Variants in RALGPS2 observed in about 807,000 individuals in gnomAD.
RALGPS2 encodes the protein Ral GEF with PH domain and SH3 binding motif 2, also known as ras-specific guanine nucleotide-releasing factor RalGPS2.
RALGPS2 carries 43 observed loss-of-function variants against 86.8 expected under a neutral mutation model. That is an observed-to-expected ratio of 0.50 (90% confidence interval 0.39 to 0.64). RALGPS2 has a LOEUF of 0.64. Ranked by LOEUF, RALGPS2 falls within the 30% of genes least tolerant of loss-of-function variation. The pLI, the probability that RALGPS2 is intolerant of heterozygous loss-of-function variation, is 0.00. For missense variants in RALGPS2, 536 were observed against 694.6 expected (o/e 0.77, Z 2.57); for synonymous variants, 243 against 231.3 (o/e 1.05, Z -0.46).
intron 8 of RALGPS2, among the ~76,000 whole-genome samples, chr1:178,859,272 A>C (rs1657794761): frequency 6.6e-6 from 1 of 151,800 alleles, no homozygotes. Flanking sequence ...CATTGAAACC[A>C]ATTATACCTA....
At chr1:178,747,022 C>T (rs1651373631) in intron 1 of RALGPS2, 1 of 909,008 alleles carries the variant, frequency 1.1e-6, no homozygotes, top group African/African-American at 1.6e-5. Context: ...ACATTTTGCT[C>T]CTTCTGTTAT....
In RALGPS2 at chr1:178,917,861, A is replaced by G. The variant is rs1273528355; in HGVS notation, c.*1502A>G. The stretch of plus-strand genomic sequence containing the variant: ...AGAGTAAGGTAATGCTTTGTGACTG[A>G]TATCTACTAATAGACTTCTGTTACT... On this transcript the variant is annotated 3_prime_UTR_variant, in exon 20 of 20. Coordinates refer to ENST00000367635, the MANE Select transcript of RALGPS2 (RefSeq NM_152663.5). The G allele has an allele frequency of 1.3e-5, 2 of 152,178 alleles. No individual in the cohort carries two copies. The highest frequency in any genetic ancestry group is 2.9e-5 in the Non-Finnish European group (2 of 67,990). 9.4% of individuals were successfully genotyped at this position (152,178 alleles called of 1,614,324 possible).
intron 1 of RALGPS2, among the ~76,000 whole-genome samples, chr1:178,771,228 C>A (rs1652797429): frequency 6.6e-6 from 1 of 152,140 alleles, no homozygotes; most frequent in Non-Finnish European, 1.5e-5. Flanking sequence ...TGTGAATTAC[C>A]ATTAATATCT....
At chr1:178,904,864 G>GT (rs1302304352) in intron 18 of RALGPS2, among the ~76,000 whole-genome samples, 14 of 152,028 alleles carry the variant, frequency 9.2e-5, no homozygotes, top group Non-Finnish European at 1.6e-4. Flanking sequence ...TTTTAGAATT[G>GT]TTTTTTCTGA....
chr1:178,751,856 T>C (rs968190913), intron 1 of RALGPS2, among the ~76,000 whole-genome samples: 3 of 152,220 alleles, frequency 2.0e-5, no homozygotes, highest in African/African-American at 7.2e-5. Flanking sequence ...CAAATATTTA[T>C]GTTGTTATAG....
At chr1:178,790,477 T>C (rs1045759270) in intron 4 of RALGPS2, among the ~76,000 whole-genome samples, 6 of 152,248 alleles carry the variant, frequency 3.9e-5, no homozygotes, top group Non-Finnish European at 7.3e-5. Context: ...CCATCCAGTA[T>C]TGGTCTGTAT....
intron 9 of RALGPS2, among the ~76,000 whole-genome samples, chr1:178,877,958 A>G (rs1014261274): frequency 1.3e-5 from 2 of 152,110 alleles, no homozygotes; most frequent in Non-Finnish European, 2.9e-5. Context: ...TTGGCCCTTT[A>G]TAGCACAGCT....
At chr1:178,771,486 A>G (rs1003169435) in intron 1 of RALGPS2, among the ~76,000 whole-genome samples, 1 of 152,310 alleles carries the variant, frequency 6.6e-6, no homozygotes, top group Middle Eastern at 3.4e-3. Context: ...CCAGAGGCAC[A>G]TGATGTCTCT....
chr1:178,909,130 A>G (rs1183273150), intron 19 of RALGPS2, among the ~76,000 whole-genome samples: 1 of 152,190 alleles, frequency 6.6e-6, no homozygotes, highest in Non-Finnish European at 1.5e-5. Flanking sequence ...ATGGCTATCC[A>G]GTTATCCTAG....
At chr1:178,829,360 A>T (rs917572510) in intron 7 of RALGPS2, among the ~76,000 whole-genome samples, 7 of 152,340 alleles carry the variant, frequency 4.6e-5, no homozygotes, top group African/African-American at 1.7e-4. Context: ...ACCAGGCCAC[A>T]GCAGGAGGTG....
At chr1:178,856,194 G>GATTATATATATATATAT (rs776840814) in intron 8 of RALGPS2, among the ~76,000 whole-genome samples, 2 of 99,198 alleles carry the variant, frequency 2.0e-5, no homozygotes, top group African/African-American at 1.1e-4. Context: ...CTTTTCCAGA[G>GATTATATATATATATAT]AGAGAGAGAT....
rs1647282356 is a variant in RALGPS2 at position 178,921,133 on chromosome 1, C to G, written c.*4774C>G. ...GTATGTTCCAGAGTAGGCAAGTAGT[C>G]ATTCAAGCCAAATGAAAGAGTTAAC... On this transcript the variant is annotated 3_prime_UTR_variant, in exon 20 of 20. Coordinates refer to ENST00000367635, the MANE Select transcript of RALGPS2 (RefSeq NM_152663.5). 1 of 151,944 alleles carries G rather than the reference C, an allele frequency of 6.6e-6. No homozygotes were observed. Among genetic ancestry groups the G allele is most frequent in the Non-Finnish European group, 1.5e-5 (1 of 67,912 alleles). 9.4% of individuals were successfully genotyped at this position (151,944 alleles called of 1,614,324 possible).
chr1:178,866,287 A>G (rs910885890), intron 8 of RALGPS2, among the ~76,000 whole-genome samples: 1 of 152,224 alleles, frequency 6.6e-6, no homozygotes, highest in Non-Finnish European at 1.5e-5. Flanking sequence ...GATTCATACC[A>G]TGCAATTCCA....
chr1:178,780,246 G>A (rs1481651254), intron 2 of RALGPS2, among the ~76,000 whole-genome samples: 1 of 152,166 alleles, frequency 6.6e-6, no homozygotes, highest in African/African-American at 2.4e-5. Context: ...AAGAGATAGA[G>A]ATCTTTAGCA....
At chr1:178,791,193 C>A (rs901787947) in intron 4 of RALGPS2, among the ~76,000 whole-genome samples, 9 of 151,960 alleles carry the variant, frequency 5.9e-5, no homozygotes, top group Non-Finnish European at 1.2e-4. Flanking sequence ...TGATCACGGC[C>A]CACTGCATCC....
chr1:178,833,268 G>A (rs1049905241), intron 7 of RALGPS2, among the ~76,000 whole-genome samples, 156 bp from the exon 8 acceptor site: 4 of 151,946 alleles, frequency 2.6e-5, no homozygotes, highest in Non-Finnish European at 5.9e-5. Flanking sequence ...AGACAAATCT[G>A]ATTTTGTCTT....
intron 1 of RALGPS2, among the ~76,000 whole-genome samples, chr1:178,769,818 A>G (rs759904990): frequency 3.3e-5 from 5 of 152,088 alleles, no homozygotes; most frequent in Middle Eastern, 3.2e-3. Flanking sequence ...AGGAGCAACA[A>G]TGTTCTATTC....
chr1:178,908,371 A>G (rs1660473639), intron 19 of RALGPS2, among the ~76,000 whole-genome samples: 1 of 152,198 alleles, frequency 6.6e-6, no homozygotes, highest in Non-Finnish European at 1.5e-5. Flanking sequence ...TGTCTTTGCT[A>G]TAGTGTATAC....
rs574222584 is a variant in RALGPS2, at chr1:178,787,503, C to T, written c.213+1896C>T. On this transcript the variant is annotated intron_variant, in intron 4 of 19. Transcript: ENST00000367635. ...GCTAAGCCTTCAAATCCAACATATACAACAATTGCAGTACATCTTTATTTG... is the reference window on the plus strand; with the variant it reads ...GCTAAGCCTTCAAATCCAACATATATAACAATTGCAGTACATCTTTATTTG... Among the ~76,000 whole-genome samples the T allele has an allele frequency of 2.6e-5, 4 of 152,246 alleles. No individual in the cohort carries two copies. The South Asian group carries it at 8.3e-4, about 32-fold the overall frequency.
Sources: allele counts gnomAD v4.1 joint callset (sites outside exome capture counted in the v4.1 genomes callset), GRCh38; gene constraint gnomAD v4.1.1; transcripts MANE v1.5; gene names NCBI Gene and HGNC (gene_info 2026-07-23, HGNC 2026-07-21).